NFX1: variants seen among roughly 807,000 people sequenced by gnomAD.
NFX1 encodes nuclear transcription factor, X-box binding 1, also known as transcriptional repressor NF-X1.
A neutral mutation model predicts 137.2 loss-of-function variants in NFX1; 69 were observed. The ratio of observed to expected loss-of-function variants is 0.50; its 90% CI spans 0.41 to 0.61. The LOEUF (loss-of-function observed/expected upper bound fraction) is 0.61, where lower values mean the gene tolerates loss of function less well. Among genes scored for constraint, NFX1 ranks in the 20% least tolerant of loss-of-function variants. NFX1 has a pLI of 0.00. For missense variants in NFX1, 1,167 were observed against 1,391.0 expected, an observed-to-expected ratio of 0.84 and a Z score of 2.56; for synonymous variants, 495 against 474.1, an observed-to-expected ratio of 1.04 and a Z score of -0.57.
chr9:33,325,674 A>G lies in NFX1; in HGVS notation c.1907-2907A>G, dbSNP rs1396920506. ...GAGAGACTCTGTCTCAAAAAAAGAA[A>G]AAGAAAAAAAGAAAACTGTCAACCA... On this transcript the variant is annotated intron_variant, in intron 9 of 23. Transcript: ENST00000379540. 2.0e-5 allele frequency among the ~76,000 whole-genome samples: 3 copies of G among 152,124 alleles called. No homozygotes were observed. The East Asian group carries it at 5.8e-4, about 29-fold the overall frequency.
rs914635752 is a variant in NFX1, at chr9:33,351,861, A to G, written c.2655+71A>G. The G allele has an allele frequency of 1.0e-4, 133 of 1,317,204 alleles. 4 individuals are homozygous for G. In the South Asian group the frequency reaches 1.9e-3, roughly 19 times the overall value. 81.6% of individuals were successfully genotyped at this position (1,317,204 alleles called of 1,614,324 possible). A position where few individuals can be genotyped will look rare whatever the true frequency, so the allele number is the denominator to read the frequency against. ...GCTACTAGTGAATCCAGAACTGTCT[A>G]CAGTGGCCCCTGGGCATGCATCTTA... is the stretch of plus-strand genomic sequence containing the variant. On this transcript the variant is annotated intron_variant, in intron 16 of 23. Transcript: ENST00000379540.
chr9:33,299,202 A>T (rs1291662211), intron 2 of NFX1, among the ~76,000 whole-genome samples: 1 of 152,218 alleles, frequency 6.6e-6, no homozygotes, highest in Non-Finnish European at 1.5e-5. Flanking sequence ...TAATCATATT[A>T]ACTAAACTAC....
chr9:33,297,205 G>A (rs1821387441), intron 2 of NFX1, among the ~76,000 whole-genome samples: 1 of 152,172 alleles, frequency 6.6e-6, no homozygotes, highest in African/African-American at 2.4e-5. Context: ...AAGCTGAATA[G>A]TTTTATTCTG....
At chr9:33,357,016 G>A (rs889048373) in intron 19 of NFX1, among the ~76,000 whole-genome samples, 7 of 150,878 alleles carry the variant, frequency 4.6e-5, no homozygotes, top group South Asian at 4.2e-4. Flanking sequence ...AAAATAAGCC[G>A]GGCATGGTGG....
chr9:33,335,111 C>G (rs951724798), intron 11 of NFX1, among the ~76,000 whole-genome samples: 2 of 152,054 alleles, frequency 1.3e-5, no homozygotes, highest in East Asian at 3.9e-4. Context: ...ATTCACATAA[C>G]ATAATTAACC....
At chr9:33,353,323 A>G (rs1288781270) in intron 17 of NFX1, among the ~76,000 whole-genome samples, 2 of 152,242 alleles carry the variant, frequency 1.3e-5, no homozygotes, top group African/African-American at 2.4e-5. Context: ...GAGGGTTTCT[A>G]ATTGTTCTGT....
intron 10 of NFX1, 147 bp from the exon 11 acceptor site, chr9:33,332,325 A>G (rs1822837190): frequency 4.3e-6 from 3 of 695,174 alleles, no homozygotes; most frequent in African/African-American, 3.6e-5. Context: ...GGCTCGCTCC[A>G]GACATGGCAA....
chr9:33,296,807 C>T (rs959532774), intron 2 of NFX1, among the ~76,000 whole-genome samples: 1 of 152,232 alleles, frequency 6.6e-6, no homozygotes, highest in East Asian at 1.9e-4. Context: ...TTACAGCCCT[C>T]ACGCTTATGT....
chr9:33,307,626 G>T (rs1385288594), intron 5 of NFX1, among the ~76,000 whole-genome samples: 2 of 152,112 alleles, frequency 1.3e-5, no homozygotes, highest in Non-Finnish European at 2.9e-5. Flanking sequence ...ACATTACACT[G>T]CTTGCTTCTA....
At position 33,354,070 on chromosome 9, in the gene NFX1, CT is replaced by C. The variant is rs750830269; in HGVS notation, c.2730-10del. 6.4e-7 allele frequency: 1 copy of C among 1,566,070 alleles called. No homozygotes were observed. The highest frequency in any genetic ancestry group is 1.9e-5 in the Admixed American group (1 of 51,900). On this transcript the variant is annotated splice_polypyrimidine_tract_variant and intron_variant, in intron 17 of 23. Transcript: ENST00000379540. ...AACTGCAATGCCTCTTTTTCCCTTT[CT>C]TTTTTATATTTCAGAATAGCTGCAA... is the stretch of plus-strand genomic sequence containing the variant.
At chr9:33,359,858 C>T (rs1435401582) in intron 19 of NFX1, among the ~76,000 whole-genome samples, 1 of 152,122 alleles carries the variant, frequency 6.6e-6, no homozygotes, top group Non-Finnish European at 1.5e-5. Context: ...CATAACTTGT[C>T]TTTGAAATTT....
chr9:33,352,453 G>T (rs759849666), intron 16 of NFX1, 193 bp from the exon 17 acceptor site: 4 of 682,046 alleles, frequency 5.9e-6, no homozygotes, highest in Admixed American at 2.0e-5. Context: ...CATTGTGGAC[G>T]GGGCAATTCT....
intron 15 of NFX1, among the ~76,000 whole-genome samples, chr9:33,350,891 A>G (rs1823611632): frequency 6.6e-6 from 1 of 152,230 alleles, no homozygotes; most frequent in Non-Finnish European, 1.5e-5. Flanking sequence ...CATGCCTGTA[A>G]TCCCAGCACT....
chr9:33,358,781 C>T (rs375687870), intron 19 of NFX1, among the ~76,000 whole-genome samples: 7 of 150,870 alleles, frequency 4.6e-5, no homozygotes, highest in African/African-American at 1.7e-4. Flanking sequence ...TCCCACCTCA[C>T]CTCCCAAGTA....
intron 9 of NFX1, among the ~76,000 whole-genome samples, chr9:33,323,972 G>A (rs1171332509): frequency 1.3e-5 from 2 of 152,158 alleles, no homozygotes; most frequent in Non-Finnish European, 2.9e-5. Flanking sequence ...GCTGGGTACC[G>A]TGGCTTATGC....
chr9:33,328,731 G>T, intron 10 of NFX1, 53 bp downstream of exon 10: 1 of 1,410,506 alleles, frequency 7.1e-7, no homozygotes, highest in Non-Finnish European at 1.0e-6. Flanking sequence ...CTTTAAAATG[G>T]TGATTATGGG....
At chr9:33,318,634 C>A in intron 7 of NFX1, 97 bp from the exon 8 acceptor site, 4 of 1,145,638 alleles carry the variant, frequency 3.5e-6, no homozygotes, top group Non-Finnish European at 5.2e-6. Flanking sequence ...AGCGACTGTG[C>A]CAGGCCCGCA....
At chr9:33,303,303 C>T in intron 4 of NFX1, 35 bp downstream of exon 4, 1 of 1,555,056 alleles carries the variant, frequency 6.4e-7, no homozygotes, top group Non-Finnish European at 8.9e-7. Context: ...GTCTCTTTTA[C>T]TACATACATT....
intron 10 of NFX1, among the ~76,000 whole-genome samples, chr9:33,329,308 C>T (rs940959232): frequency 2.6e-5 from 4 of 152,318 alleles, no homozygotes; most frequent in African/African-American, 9.6e-5. Flanking sequence ...TATTGGTGCT[C>T]TATTGTGCAA....
Sources: allele counts gnomAD v4.1 joint callset (sites outside exome capture counted in the v4.1 genomes callset), GRCh38; gene constraint gnomAD v4.1.1; transcripts MANE v1.5; gene names NCBI Gene and HGNC (gene_info 2026-07-23, HGNC 2026-07-21).